NOS1: variants seen among roughly 807,000 people sequenced by gnomAD.
NOS1 encodes the protein nitric oxide synthase 1.
NOS1 carries 51 observed loss-of-function variants against 164.5 expected under a neutral mutation model. The observed-to-expected ratio is 0.31, with a 90% CI of 0.25 to 0.39. The LOEUF (loss-of-function observed/expected upper bound fraction) is 0.39, where lower values mean the gene tolerates loss of function less well. NOS1 is among the 10% of genes least tolerant of loss of function. The pLI is 1.00. For synonymous variants in NOS1, 719 were observed against 745.8 expected (o/e 0.96, Z 0.59); for missense variants, 1,362 against 1,885.6 (o/e 0.72, Z 5.14).
At chr12:117,256,284 G>GTTGTTTTTTTTTTTTT (rs549611283) in intron 16 of NOS1, among the ~76,000 whole-genome samples, 3 of 118,482 alleles carry the variant, frequency 2.5e-5, no homozygotes, top group Admixed American at 1.0e-4. Flanking sequence ...GGGATTTTCT[G>GTTGTTTTTTTTTTTTT]TTTTTTTTTT....
At chr12:117,221,429 A>G (rs1387423067) in intron 26 of NOS1, among the ~76,000 whole-genome samples, 1 of 151,098 alleles carries the variant, frequency 6.6e-6, no homozygotes, top group Non-Finnish European at 1.5e-5. Flanking sequence ...GACTACAAGA[A>G]TGTGCCACCG....
intron 2 of NOS1, among the ~76,000 whole-genome samples, chr12:117,325,580 T>C (rs1875203988): frequency 6.6e-6 from 1 of 152,158 alleles, no homozygotes; most frequent in Non-Finnish European, 1.5e-5. Flanking sequence ...GGCAAGCTTA[T>C]ATTCCCGGGC....
Position 117,226,717 on chromosome 12 carries a change from G to A in NOS1, c.3670C>T (p.Gln1224Ter), listed in dbSNP as rs1868708792. ...GVCSSWLNRI[Q>*]ADELVPCFVR... ...AAACAGGGGACCAGTTCGTCAGCCT[G>A]TATCCGGTTGAGCCAGGAGGAGCAT... Residue 1224 changes from glutamine (Q) to a stop codon, truncating the protein, a stop_gained, in exon 24 of 29, where the codon CAG becomes TAG. Transcript: ENST00000317775. LOFTEE classifies it high-confidence loss of function. The A allele has an allele frequency of 6.2e-7, 1 of 1,613,930 alleles. No individual in the cohort carries two copies. The highest frequency in any genetic ancestry group is 8.5e-7 in the Non-Finnish European group (1 of 1,179,968).
chr12:117,283,056 A>ATATT (rs1360367568), intron 7 of NOS1, among the ~76,000 whole-genome samples: 9 of 92,952 alleles, frequency 9.7e-5, no homozygotes, highest in East Asian at 2.8e-4. Flanking sequence ...ATATATATAT[A>ATATT]TTTTTTTTTT....
At chr12:117,300,041 T>C (rs747133786) in intron 3 of NOS1, among the ~76,000 whole-genome samples, 1 of 152,176 alleles carries the variant, frequency 6.6e-6, no homozygotes, top group Non-Finnish European at 1.5e-5. Flanking sequence ...ATGCAAATAT[T>C]GAAAATGCAC....
chr12:117,230,994 G>A (rs1211021573), intron 22 of NOS1, among the ~76,000 whole-genome samples: 1 of 152,138 alleles, frequency 6.6e-6, no homozygotes, highest in Non-Finnish European at 1.5e-5. Flanking sequence ...GGGGAAAGTG[G>A]AGATGGTTCA....
rs372261923 is a variant in NOS1 at position 117,285,324 on chromosome 12, A to G, written c.1299T>C (p.Asp433=). The G allele has an allele frequency of 3.2e-5, 51 of 1,608,186 alleles. No homozygotes were observed. The East Asian group carries it at 9.2e-4, about 29-fold the overall frequency. Residue 433 remains aspartate, a synonymous_variant, in exon 7 of 29, where the codon GAT becomes GAC. Coordinates refer to ENST00000317775, the MANE Select transcript of NOS1 (RefSeq NM_000620.5). The part of the protein sequence containing the change: ...RIQWSKLQVF[D]ARDCTTAHGM... ...CGTGGGCCGTGGTGCAGTCACGGGCATCGAATACCTGGAAGAGGCACAGGG... is the reference window on the plus strand; with the variant it reads ...CGTGGGCCGTGGTGCAGTCACGGGCGTCGAATACCTGGAAGAGGCACAGGG...
rs200320647 is a variant in NOS1, at chr12:117,214,197, TA to T, written c.*1111del. 1.0e-6 allele frequency: 1 copy of T among 985,302 alleles called. No individual in the cohort carries two copies. Among genetic ancestry groups the T allele is most frequent in the Non-Finnish European group, 1.2e-6 (1 of 829,880 alleles). The allele number at this position is 985,302 out of a possible 1,614,324, so 61.0% of individuals were successfully genotyped here. A position where few individuals can be genotyped will look rare whatever the true frequency, so the allele number is the denominator to read the frequency against. On this transcript the variant is annotated 3_prime_UTR_variant, in exon 29 of 29. Coordinates refer to ENST00000317775, the MANE Select transcript of NOS1 (RefSeq NM_000620.5). ...AAGCAGCAAGCCCGCTTTGGGGGAA[TA>T]AAAAAATAATAATCATATTGTTACT...
intron 3 of NOS1, among the ~76,000 whole-genome samples, chr12:117,305,279 G>A (rs924814516): frequency 2.0e-5 from 3 of 152,098 alleles, no homozygotes; most frequent in African/African-American, 7.2e-5. Context: ...TTGCTAACAC[G>A]GTGAAACCCC....
At chr12:117,310,450 T>A (rs1189418563) in intron 3 of NOS1, among the ~76,000 whole-genome samples, 1 of 152,192 alleles carries the variant, frequency 6.6e-6, no homozygotes, top group Non-Finnish European at 1.5e-5. Context: ...AAAAGCAAGA[T>A]ATAAAACAAC....
At chr12:117,250,694 C>T (rs12830203) in intron 17 of NOS1, among the ~76,000 whole-genome samples, 53,494 of 151,868 alleles carry the variant, frequency 0.35, 10,036 homozygotes, top group Admixed American at 0.51. Flanking sequence ...TGCAGGGTGG[C>T]GGCCTGACAG....
At chr12:117,238,347 G>A (rs762000292) in intron 20 of NOS1, among the ~76,000 whole-genome samples, 6 of 151,974 alleles carry the variant, frequency 3.9e-5, no homozygotes, top group Non-Finnish European at 5.9e-5. Flanking sequence ...AGTTTTTCGC[G>A]CCCTATGCAA....
chr12:117,288,818 G>A (rs1872868361), intron 4 of NOS1, among the ~76,000 whole-genome samples: 1 of 152,098 alleles, frequency 6.6e-6, no homozygotes, highest in Non-Finnish European at 1.5e-5. Flanking sequence ...ATGTGAACAA[G>A]CCCAAGCTAG....
chr12:117,227,981 T>C (rs1022395084), intron 22 of NOS1, among the ~76,000 whole-genome samples: 6 of 151,468 alleles, frequency 4.0e-5, no homozygotes, highest in African/African-American at 1.5e-4. Context: ...CCATGAGCTA[T>C]GATCATGCCA....
At chr12:117,226,393 G>T (rs570023423) in intron 24 of NOS1, among the ~76,000 whole-genome samples, 2 of 152,230 alleles carry the variant, frequency 1.3e-5, no homozygotes, top group East Asian at 3.9e-4. Flanking sequence ...CCATGAAGGT[G>T]GAGACTGTAT....
rs192082339 is a variant in NOS1 at position 117,283,712 on chromosome 12, T to C, written c.1382+1529A>G. Among the ~76,000 whole-genome samples, 155 of 151,942 alleles carry C rather than the reference T, an allele frequency of 1.0e-3. 1 individual carries two copies. The highest frequency in any genetic ancestry group is 4.1e-3 in the Admixed American group (63 of 15,248). On this transcript the variant is annotated intron_variant, in intron 7 of 28. Transcript: ENST00000317775. Reference sequence around the variant, plus strand: ...CTCTACTAAAAATACAAAAATTAGCTGGGCATGGTGGTGTGTACCTGTAAT... The same window carrying C: ...CTCTACTAAAAATACAAAAATTAGCCGGGCATGGTGGTGTGTACCTGTAAT...
At chr12:117,245,038 ATC>A in intron 18 of NOS1, among the ~76,000 whole-genome samples, 1 of 152,188 alleles carries the variant, frequency 6.6e-6, no homozygotes, top group Admixed American at 6.5e-5. Flanking sequence ...CCGTTATCTC[ATC>A]TCTCTTTGTC....
chr12:117,324,913 C>T (rs1189785061), intron 2 of NOS1, among the ~76,000 whole-genome samples: 1 of 152,320 alleles, frequency 6.6e-6, no homozygotes, highest in African/African-American at 2.4e-5. Flanking sequence ...TGCCACCATC[C>T]TGAAACTACA....
At chr12:117,251,361 G>A (rs558003360) in intron 17 of NOS1, among the ~76,000 whole-genome samples, 87 of 152,178 alleles carry the variant, frequency 5.7e-4, no homozygotes, top group African/African-American at 1.6e-3. Context: ...TGATTCAGGC[G>A]GTTGATTCAT....
Sources: gnomAD v4.1 joint callset for allele counts (sites outside exome capture counted in the v4.1 genomes callset) on GRCh38, gnomAD v4.1.1 for gene constraint, MANE v1.5 for transcripts, NCBI Gene and HGNC (gene_info 2026-07-23, HGNC 2026-07-21) for gene names.